CCNF: variants seen among roughly 807,000 people sequenced by gnomAD.
CCNF encodes cyclin F.
In CCNF, 30 loss-of-function variants were observed where a neutral mutation model predicts 85.4. The ratio of observed to expected loss-of-function variants is 0.35; its 90% confidence interval spans 0.26 to 0.48. The LOEUF (loss-of-function observed/expected upper bound fraction) is 0.48. Among genes scored for constraint, CCNF ranks in the 20% least tolerant of loss-of-function variants. The probability of loss-of-function intolerance (pLI) is 0.99; values close to 1 mark genes in which losing one functional copy is unlikely to be tolerated. For missense variants in CCNF, 919 were observed against 1,010.4 expected (o/e 0.91, Z 1.23); for synonymous variants, 439 against 425.1 (o/e 1.03, Z -0.40).
Position 2,456,790 on chromosome 16 carries a change from A to G in CCNF, c.2131A>G (p.Thr711Ala). The G allele has an allele frequency of 6.2e-7, 1 of 1,613,798 alleles. No individual in the cohort carries two copies. The highest frequency in any genetic ancestry group is 8.5e-7 in the Non-Finnish European group (1 of 1,179,902). The change falls in exon 17 of 17, where the codon ACA becomes GCA. Residue 711 changes from threonine (T) to alanine (A), a missense_variant. Physicochemically the swap from Thr to Ala is moderately conservative, Grantham distance 58. Transcript: ENST00000397066. This position sits in a 1 kb window ranked among gnomAD's most constrained non-coding sequence, Gnocchi z 4.5. ...GYSSVSTASP[T>A]SSVDGGLGAL... The stretch of plus-strand genomic sequence containing the variant: ...CTCCTCCGTCAGCACCGCAAGTCCC[A>G]CAAGCTCCGTGGACGGTGGCTTGGG...
intron 1 of CCNF, 113 bp downstream of exon 1, chr16:2,429,610 G>A: frequency 9.5e-7 from 1 of 1,055,800 alleles, no homozygotes; most frequent in Admixed American, 4.4e-5. Flanking sequence ...AAGAGGGCTG[G>A]CTCGAGCTCT....
At chr16:2,435,976 C>T (rs1282160490) in intron 4 of CCNF, 103 bp downstream of exon 4, 1 of 771,078 alleles carries the variant, frequency 1.3e-6, no homozygotes, top group African/African-American at 1.7e-5. Flanking sequence ...GCTGTCCTTG[C>T]TCTATCCGAT....
chr16:2,448,811 C>T, intron 10 of CCNF, 44 bp from the exon 11 acceptor site: 1 of 1,598,820 alleles, frequency 6.3e-7, no homozygotes, highest in Non-Finnish European at 8.6e-7. Flanking sequence ...CACCCCTGCC[C>T]CAGGAAGTGG....
chr16:2,439,230 G>C, intron 6 of CCNF, 123 bp from the exon 7 acceptor site: 1 of 721,016 alleles, frequency 1.4e-6, no homozygotes, highest in Non-Finnish European at 2.3e-6. Flanking sequence ...CCCAGGAGGC[G>C]GAGGTTGCAG....
chr16:2,457,775 A>G lies in CCNF; in HGVS notation c.*755A>G, dbSNP rs1391970453. On this transcript the variant is annotated 3_prime_UTR_variant, in exon 17 of 17. Transcript: ENST00000397066. ...CAAGATGAAAACAAAAGAAAAACTT[A>G]AAACAGAAGGTATTAAAAAAACAAG... 6.6e-6 allele frequency: 1 copy of G among 152,220 alleles called. No homozygotes were observed. Among genetic ancestry groups the G allele is most frequent in the Non-Finnish European group, 1.5e-5 (1 of 68,044 alleles). 9.4% of individuals were successfully genotyped at this position (152,220 alleles called of 1,614,324 possible).
chr16:2,447,275 C>CTT (rs537679553), intron 10 of CCNF, among the ~76,000 whole-genome samples: 9 of 141,590 alleles, frequency 6.4e-5, no homozygotes, highest in Non-Finnish European at 9.3e-5. Flanking sequence ...GCCTTATTAT[C>CTT]TTTTTTTTTT....
In CCNF at chr16:2,448,940, A is replaced by G. The variant is rs766324204; in HGVS notation, c.1180A>G (p.Met394Val). 2 of 1,612,760 alleles carry G rather than the reference A, an allele frequency of 1.2e-6. No individual in the cohort carries two copies. Among genetic ancestry groups the G allele is most frequent in the African/African-American group, 1.3e-5 (1 of 74,970 alleles). The change falls in exon 11 of 17, where the codon ATG (methionine) becomes GTG (valine). Residue 394 changes from methionine (M) to valine (V), a missense_variant. Physicochemically the swap from Met to Val is conservative, Grantham distance 21 (BLOSUM62 1). Coordinates refer to ENST00000397066, the MANE Select transcript of CCNF (RefSeq NM_001761.3). Reference sequence around the variant, plus strand: ...CAAGTACGAGGACCTGGTGAGAATGATGGGCGAGATCGTCTCCGCCTTGGA... The same window carrying G: ...CAAGTACGAGGACCTGGTGAGAATGGTGGGCGAGATCGTCTCCGCCTTGGA... ...TYKYEDLVRMMGEIVSALEGK... is the reference protein window; with the variant it reads ...TYKYEDLVRMVGEIVSALEGK...
In CCNF at chr16:2,448,960, C is replaced by T; in HGVS notation, c.1200C>T (p.Ala400=). The part of the protein sequence containing the change: ...LVRMMGEIVS[A]LEGKIRVPTV... Reference sequence around the variant, plus strand: ...GAATGATGGGCGAGATCGTCTCCGCCTTGGAAGGGAAGATTCGAGTAAGCA... The same window carrying T: ...GAATGATGGGCGAGATCGTCTCCGCTTTGGAAGGGAAGATTCGAGTAAGCA... The change falls in exon 11 of 17, where the codon GCC becomes GCT. Residue 400 remains alanine (A), a synonymous_variant. Coordinates refer to ENST00000397066, the MANE Select transcript of CCNF (RefSeq NM_001761.3). The T allele has an allele frequency of 6.2e-7, 1 of 1,613,940 alleles. No homozygotes were observed. The highest frequency in any genetic ancestry group is 8.5e-7 in the Non-Finnish European group (1 of 1,179,928).
rs2065296784 is a variant in CCNF at position 2,437,314 on chromosome 16, C to T, written c.532C>T (p.Leu178=). ...CGAGAGCCTCAGGGCAGAGTGCCAG[C>T]TGCAGAGGGTGAGTCTGGGCGAGGG... ...VHESLRAECQ[L]QRTHKASILH... The change falls in exon 5 of 17, where the codon CTG becomes TTG. Residue 178 remains leucine, a synonymous_variant. Coordinates refer to ENST00000397066, the MANE Select transcript of CCNF (RefSeq NM_001761.3). The T allele has an allele frequency of 8.8e-6, 14 of 1,588,826 alleles. No individual in the cohort carries two copies. The highest frequency in any genetic ancestry group is 1.1e-5 in the Non-Finnish European group (13 of 1,167,598).
At chr16:2,455,266 C>T (rs1440334540) in intron 15 of CCNF, 129 bp from the exon 16 acceptor site, 36 of 1,232,170 alleles carry the variant, frequency 2.9e-5, no homozygotes, top group South Asian at 5.3e-5. Context: ...GCATCTTCTT[C>T]GTAGCAGAAC....
At position 2,453,413 on chromosome 16, in the gene CCNF, C is replaced by T. The variant is rs2065406032; in HGVS notation, c.1591C>T (p.Leu531=). ...CCTAACTCTAGCTTCCCCTCAGGTG[C>T]TGAGCTACAGCCAGTTGTGTGCTGC... ...RYGEISQEEV[L]SYSQLCAALG... Residue 531 remains leucine (L), a synonymous_variant, in exon 15 of 17, where the codon CTG becomes TTG. Coordinates refer to ENST00000397066, the MANE Select transcript of CCNF (RefSeq NM_001761.3). This position sits in a 1 kb window ranked among gnomAD's most constrained non-coding sequence, Gnocchi z 5.6. 1.9e-6 allele frequency: 3 copies of T among 1,613,870 alleles called. No homozygotes were observed. The highest frequency in any genetic ancestry group is 2.5e-6 in the Non-Finnish European group (3 of 1,180,002).
intron 1 of CCNF, among the ~76,000 whole-genome samples, chr16:2,430,388 G>T (rs1182286712): frequency 6.6e-6 from 1 of 152,168 alleles, no homozygotes; most frequent in Non-Finnish European, 1.5e-5. Flanking sequence ...GGAAAATCCG[G>T]CTGTGGGAAG....
chr16:2,439,513 A>G, intron 7 of CCNF, 56 bp downstream of exon 7: 1 of 1,298,218 alleles, frequency 7.7e-7, no homozygotes, highest in African/African-American at 1.4e-5. Flanking sequence ...GGCGTAGTTG[A>G]TGCTGGTCCT....
At chr16:2,444,834 C>A (rs1280193561) in intron 9 of CCNF, among the ~76,000 whole-genome samples, 1 of 151,748 alleles carries the variant, frequency 6.6e-6, no homozygotes, top group Non-Finnish European at 1.5e-5. Flanking sequence ...TGGGCTCAAG[C>A]GAACCTCCTG....
intron 1 of CCNF, 42 bp downstream of exon 1, chr16:2,429,539 C>T: frequency 8.1e-7 from 1 of 1,228,352 alleles, no homozygotes. Flanking sequence ...CCCCACACCC[C>T]TTCTGCCTGC....
At chr16:2,432,730 C>A (rs2065269030) in intron 2 of CCNF, among the ~76,000 whole-genome samples, 1 of 152,172 alleles carries the variant, frequency 6.6e-6, no homozygotes, top group South Asian at 2.1e-4. Context: ...TTCCTCCTTC[C>A]CAGATCATTG....
chr16:2,431,722 T>A (rs2065263852), intron 2 of CCNF, among the ~76,000 whole-genome samples: 1 of 149,300 alleles, frequency 6.7e-6, no homozygotes, highest in Non-Finnish European at 1.5e-5. Flanking sequence ...GAAACAAGGA[T>A]GATATCATTA....
Position 2,456,670 on chromosome 16 carries a change from C to G in CCNF, c.2011C>G (p.Leu671Val), listed in dbSNP as rs772355945. 2 of 1,613,582 alleles carry G rather than the reference C, an allele frequency of 1.2e-6. No individual in the cohort carries two copies. Among genetic ancestry groups the G allele is most frequent in the Non-Finnish European group, 1.7e-6 (2 of 1,179,916 alleles). ...CAAGGGACCCCAGGACCCACAGGCA[C>G]TGGCGCTGGACACCCAGATCCCTGC... ...EDKGPQDPQA[L>V]ALDTQIPATP... Residue 671 changes from leucine to valine, a missense_variant, in exon 17 of 17, where the codon CTG (leucine) becomes GTG (valine). Physicochemically the swap from Leu to Val is conservative, Grantham distance 32 (BLOSUM62 1). This residue lies in a region of CCNF where 505 missense variants were observed against 514.8 expected (regional missense o/e 0.98). Coordinates refer to ENST00000397066, the MANE Select transcript of CCNF (RefSeq NM_001761.3). This position sits in a 1 kb window ranked among gnomAD's most constrained non-coding sequence, Gnocchi z 4.5.
chr16:2,450,727 C>G (rs1269972282), intron 13 of CCNF, among the ~76,000 whole-genome samples: 1 of 152,206 alleles, frequency 6.6e-6, no homozygotes, highest in Non-Finnish European at 1.5e-5. Context: ...GCTGCTTTTG[C>G]GAATGGGGTT....
Sources: gnomAD v4.1 joint callset for allele counts (sites outside exome capture counted in the v4.1 genomes callset) on GRCh38, gnomAD v4.1.1 for gene constraint, gnomAD v4.1.1 regional missense constraint, Gnocchi (gnomAD v3.1) non-coding constraint, MANE v1.5 for transcripts, NCBI Gene and HGNC (gene_info 2026-07-23, HGNC 2026-07-21) for gene names.